TBC1D1: variants seen among roughly 807,000 people sequenced by gnomAD.
TBC1D1 encodes TBC1 domain family member 1, also known as TBC1 (tre-2/USP6, BUB2, cdc16) domain family, member 1.
TBC1D1 carries 89 observed loss-of-function variants against 125.6 expected under a neutral mutation model. The observed-to-expected ratio is 0.71, with a 90% confidence interval of 0.60 to 0.85. The LOEUF is 0.85. Ranked by LOEUF, TBC1D1 falls within the 40% of genes least tolerant of loss-of-function variation. The pLI is 0.00. For synonymous variants in TBC1D1, 565 were observed against 564.1 expected (o/e 1.00, Z -0.02); for missense variants, 1,377 against 1,469.2 (o/e 0.94, Z 1.03).
At chr4:37,904,236 T>G (rs976765085) in intron 2 of TBC1D1, among the ~76,000 whole-genome samples, 2 of 150,052 alleles carry the variant, frequency 1.3e-5, no homozygotes, top group African/African-American at 5.1e-5. Flanking sequence ...AGGCAGATTA[T>G]ATGCTAATTT....
intron 1 of TBC1D1, among the ~76,000 whole-genome samples, chr4:37,898,055 A>T (rs1715024042): frequency 6.6e-6 from 1 of 152,228 alleles, no homozygotes; most frequent in Non-Finnish European, 1.5e-5. Context: ...GTTATGTTCA[A>T]ATTATATTAT....
At chr4:38,010,299 C>G (rs1741197181) in intron 2 of TBC1D1, among the ~76,000 whole-genome samples, 1 of 152,158 alleles carries the variant, frequency 6.6e-6, no homozygotes, top group Non-Finnish European at 1.5e-5. Flanking sequence ...GGAGTGTCCC[C>G]TTTCTGGGCG....
intron 4 of TBC1D1, among the ~76,000 whole-genome samples, chr4:38,018,732 C>T (rs1211981830): frequency 6.6e-6 from 1 of 152,110 alleles, no homozygotes; most frequent in Non-Finnish European, 1.5e-5. Flanking sequence ...TCCAGATGCA[C>T]ATGTGTGTGT....
intron 2 of TBC1D1, among the ~76,000 whole-genome samples, chr4:37,927,651 G>A (rs1007720390): frequency 6.6e-6 from 1 of 152,230 alleles, no homozygotes; most frequent in African/African-American, 2.4e-5. Context: ...CAAATGAAAT[G>A]TAATTTTATG....
At position 37,978,313 on chromosome 4, in the gene TBC1D1, AAGGCTCGCTGGTCGTT is replaced by A. The variant is rs112623716; in HGVS notation, c.418-36192_418-36177del. Reference sequence around the variant, plus strand: ...AAGGATGCGACCCTCGCCACCTTGAAAGGCTCGCTGGTCGTTAGGGCATCTTGCTGTCACCCCATGC... The same window carrying A: ...AAGGATGCGACCCTCGCCACCTTGAAAGGGCATCTTGCTGTCACCCCATGC... On this transcript the variant is annotated intron_variant, in intron 2 of 19. Coordinates refer to ENST00000261439, the MANE Select transcript of TBC1D1 (RefSeq NM_015173.4). Among the ~76,000 whole-genome samples, 159 of 152,274 alleles carry A rather than the reference AAGGCTCGCTGGTCGTT, an allele frequency of 1.0e-3. 2 individuals carry two copies. The highest frequency in any genetic ancestry group is 3.6e-3 in the African/African-American group (150 of 41,552).
chr4:37,996,409 C>T (rs1737807382), intron 2 of TBC1D1, among the ~76,000 whole-genome samples: 1 of 152,226 alleles, frequency 6.6e-6, no homozygotes, highest in Non-Finnish European at 1.5e-5. Context: ...GATTAAACTG[C>T]TTTTAACTAA....
chr4:38,109,859 CAG>C (rs1761943071), intron 15 of TBC1D1, among the ~76,000 whole-genome samples: 1 of 152,178 alleles, frequency 6.6e-6, no homozygotes, highest in African/African-American at 2.4e-5. Context: ...AGATTCTGCT[CAG>C]AGCTAAATGC....
At chr4:38,120,109 G>A in intron 17 of TBC1D1, 1 of 985,390 alleles carries the variant, frequency 1.0e-6, no homozygotes, top group Non-Finnish European at 1.2e-6. Context: ...GCTTGTAAAG[G>A]TAAGATATTT....
chr4:37,966,667 A>C (rs375477591), intron 2 of TBC1D1, among the ~76,000 whole-genome samples: 1 of 152,186 alleles, frequency 6.6e-6, no homozygotes. Context: ...GTTCTAGGAT[A>C]CATGTACGAA....
At chr4:37,899,153 A>C (rs139558802) in intron 1 of TBC1D1, among the ~76,000 whole-genome samples, 1 of 151,896 alleles carries the variant, frequency 6.6e-6, no homozygotes, top group African/African-American at 2.4e-5. Flanking sequence ...ACGAAAAAGA[A>C]AGAGTAGTTG....
At chr4:37,906,571 T>C (rs923714773) in intron 2 of TBC1D1, among the ~76,000 whole-genome samples, 2 of 152,232 alleles carry the variant, frequency 1.3e-5, no homozygotes, top group Non-Finnish European at 2.9e-5. Context: ...CACCATAAGT[T>C]TGATGTTTCT....
rs1464142355 is a variant in TBC1D1, at chr4:37,985,034, C to T, written c.418-29475C>T. ...GTGGCGTGATCTCGGCTCACTGCAA[C>T]CTCTGCCTGCCGGGTTCAAGCAATT... On this transcript the variant is annotated intron_variant, in intron 2 of 19. Transcript: ENST00000261439. Among the ~76,000 whole-genome samples, 6 of 151,850 alleles carry T rather than the reference C, an allele frequency of 4.0e-5. No individual in the cohort carries two copies. The East Asian group carries it at 1.2e-3, about 30-fold the overall frequency.
chr4:37,972,228 AT>A (rs1325394044), intron 2 of TBC1D1, among the ~76,000 whole-genome samples: 2 of 90,374 alleles, frequency 2.2e-5, no homozygotes, highest in African/African-American at 7.2e-5. Context: ...CATGCCTGTC[AT>A]CTCGCACTTT....
At chr4:38,106,335 G>A (rs1761292641) in intron 15 of TBC1D1, among the ~76,000 whole-genome samples, 1 of 152,198 alleles carries the variant, frequency 6.6e-6, no homozygotes, top group Non-Finnish European at 1.5e-5. Context: ...GACAGGAACT[G>A]AACCCACTGT....
Position 37,966,486 on chromosome 4 carries a change from A to G in TBC1D1, c.418-48023A>G, listed in dbSNP as rs950880582. On this transcript the variant is annotated intron_variant, in intron 2 of 19. Transcript: ENST00000261439. ...AGAAGCTAAACTATTTCCTTCTTAT[A>G]TTTTCTCAGCCCTTACATCTCCTAT... Among the ~76,000 whole-genome samples the G allele has an allele frequency of 3.3e-5, 5 of 152,024 alleles. No homozygotes were observed. The East Asian group carries it at 9.6e-4, about 29-fold the overall frequency.
At chr4:38,065,502 G>A (rs1753557361) in intron 12 of TBC1D1, among the ~76,000 whole-genome samples, 1 of 152,192 alleles carries the variant, frequency 6.6e-6, no homozygotes, top group Non-Finnish European at 1.5e-5. Flanking sequence ...GGCAGGGGAT[G>A]AAACAGGCAA....
chr4:38,025,476 A>G (rs1744890359), intron 6 of TBC1D1, among the ~76,000 whole-genome samples: 1 of 152,220 alleles, frequency 6.6e-6, no homozygotes, highest in Non-Finnish European at 1.5e-5. Flanking sequence ...GAAGGACCTC[A>G]TGAATTAGGC....
intron 7 of TBC1D1, among the ~76,000 whole-genome samples, chr4:38,030,699 A>G (rs531420539): frequency 6.6e-6 from 1 of 152,340 alleles, no homozygotes; most frequent in East Asian, 1.9e-4. Context: ...TCTCCTTATA[A>G]AATAGAATGG....
intron 2 of TBC1D1, among the ~76,000 whole-genome samples, chr4:37,975,499 T>C (rs1207761004): frequency 3.9e-5 from 6 of 151,956 alleles, no homozygotes; most frequent in African/African-American, 1.5e-4. Context: ...TTCTCTAAAC[T>C]CCCCCGGGGA....
Sources: gnomAD v4.1 joint callset for allele counts (sites outside exome capture counted in the v4.1 genomes callset) on GRCh38, gnomAD v4.1.1 for gene constraint, MANE v1.5 for transcripts, NCBI Gene and HGNC (gene_info 2026-07-23, HGNC 2026-07-21) for gene names.